The following PTPN2 variants were observed in gnomAD, a reference collection of about 807,000 sequenced individuals.
PTPN2 encodes tyrosine-protein phosphatase non-receptor type 2.
In PTPN2, 19 loss-of-function variants were observed where a neutral mutation model predicts 57.3. The ratio of observed to expected loss-of-function variants is 0.33; its 90% CI spans 0.23 to 0.49. The LOEUF (loss-of-function observed/expected upper bound fraction) is 0.49, where lower values mean the gene tolerates loss of function less well. PTPN2 is among the 20% of genes least tolerant of loss of function. The pLI is 0.99. For missense variants in PTPN2, 358 were observed against 501.1 expected (o/e 0.71, Z 2.73); for synonymous variants, 153 against 164.9 (o/e 0.93, Z 0.55).
chr18:12,838,516 A>G (rs539380228), intron 2 of PTPN2, among the ~76,000 whole-genome samples: 1 of 152,356 alleles, frequency 6.6e-6, no homozygotes, highest in East Asian at 1.9e-4. Context: ...CTATAAGCAC[A>G]GTAACCACAC....
chr18:12,824,796 G>C (rs2042390237), intron 5 of PTPN2, among the ~76,000 whole-genome samples: 1 of 152,134 alleles, frequency 6.6e-6, no homozygotes, highest in Non-Finnish European at 1.5e-5. Flanking sequence ...GAAGAAAAAT[G>C]CAAGTAAGGC....
At chr18:12,817,408 T>G in intron 5 of PTPN2, 43 bp from the exon 6 acceptor site, 1 of 1,498,496 alleles carries the variant, frequency 6.7e-7, no homozygotes, top group Non-Finnish European at 9.2e-7. Context: ...CTAACTTTTT[T>G]CTTTTAAAAA....
chr18:12,834,083 T>G (rs1268270607), intron 3 of PTPN2, among the ~76,000 whole-genome samples: 1 of 152,054 alleles, frequency 6.6e-6, no homozygotes, highest in Non-Finnish European at 1.5e-5. Context: ...TCCCAGCACT[T>G]TGGGAGGCCA....
intron 3 of PTPN2, among the ~76,000 whole-genome samples, chr18:12,835,127 C>T (rs1332074118): frequency 6.6e-6 from 1 of 152,018 alleles, no homozygotes; most frequent in Non-Finnish European, 1.5e-5. Context: ...CTGGATGGTT[C>T]AAGGGTCAAC....
chr18:12,830,099 G>T (rs2042615690), intron 4 of PTPN2, among the ~76,000 whole-genome samples: 1 of 126,370 alleles, frequency 7.9e-6, no homozygotes, highest in Non-Finnish European at 1.8e-5. Context: ...CATAATCCTT[G>T]ATTTTTTTTT....
At chr18:12,818,340 C>A (rs2042148961) in intron 5 of PTPN2, among the ~76,000 whole-genome samples, 1 of 152,110 alleles carries the variant, frequency 6.6e-6, no homozygotes, top group African/African-American at 2.4e-5. Flanking sequence ...TGGAATTGCT[C>A]CTCTAAATTG....
intron 1 of PTPN2, among the ~76,000 whole-genome samples, chr18:12,871,905 G>C (rs761871883): frequency 5.3e-5 from 8 of 152,120 alleles, no homozygotes; most frequent in Admixed American, 1.3e-4. Flanking sequence ...ACAATTAGCT[G>C]GGCGTGGTGG....
chr18:12,865,480 T>C (rs1423591300), intron 1 of PTPN2, among the ~76,000 whole-genome samples: 2 of 148,670 alleles, frequency 1.3e-5, no homozygotes, highest in Non-Finnish European at 3.0e-5. Flanking sequence ...CAGTGGCTCA[T>C]GCCTGTAATC....
rs188946143 is a variant in PTPN2, at chr18:12,847,352, A to G, written c.161-10461T>C. Among the ~76,000 whole-genome samples the G allele has an allele frequency of 4.0e-4, 61 of 152,338 alleles. No individual in the cohort carries two copies. The East Asian group carries it at 0.011, about 27-fold the overall frequency. On this transcript the variant is annotated intron_variant, in intron 2 of 8. Transcript: ENST00000309660. ...TGCTAACCTGATATTCACCAGTGCT[A>G]TTATTCGCTCATGAACCCTAGTTCT...
chr18:12,804,300 A>AAG lies in PTPN2; in HGVS notation c.859-2150_859-2149insCT, dbSNP rs536309184. The stretch of plus-strand genomic sequence containing the variant: ...GAGTGAAACTGTCTCAAAAAAAAAA[A>AAG]AAAAAAAAAGAAAAAGAAAGTTCTC... On this transcript the variant is annotated intron_variant, in intron 7 of 8. Coordinates refer to ENST00000309660, the MANE Select transcript of PTPN2 (RefSeq NM_002828.4). 8.8e-3 allele frequency among the ~76,000 whole-genome samples: 1,326 copies of AAG among 150,302 alleles called. 31 individuals are homozygous for AAG. The highest frequency in any genetic ancestry group is 0.031 in the African/African-American group (1,257 of 40,956).
intron 2 of PTPN2, among the ~76,000 whole-genome samples, chr18:12,841,513 G>A (rs145483136): frequency 1.0e-3 from 159 of 152,342 alleles, no homozygotes; most frequent in African/African-American, 3.7e-3. Context: ...AAGTAGTGGC[G>A]GTGGGAATGT....
intron 1 of PTPN2, among the ~76,000 whole-genome samples, chr18:12,865,392 G>A (rs552955854): frequency 1.9e-4 from 29 of 150,790 alleles, no homozygotes; most frequent in African/African-American, 6.6e-4. Flanking sequence ...CCGTGATCAC[G>A]CCACTGCATG....
At chr18:12,821,098 C>T (rs2042255163) in intron 5 of PTPN2, among the ~76,000 whole-genome samples, 1 of 152,130 alleles carries the variant, frequency 6.6e-6, no homozygotes, top group Non-Finnish European at 1.5e-5. Context: ...AGCTCTATGA[C>T]CCCAGGCCCA....
At chr18:12,827,991 A>C (rs2145362245) in intron 4 of PTPN2, among the ~76,000 whole-genome samples, 1 of 152,312 alleles carries the variant, frequency 6.6e-6, no homozygotes, top group Non-Finnish European at 1.5e-5. Flanking sequence ...ATTTTTGGTA[A>C]AACTAATAAT....
At chr18:12,795,460 A>AT (rs1379160740) in intron 8 of PTPN2, among the ~76,000 whole-genome samples, 3 of 151,910 alleles carry the variant, frequency 2.0e-5, no homozygotes, top group African/African-American at 7.3e-5. Context: ...CGCCTGGCTA[A>AT]TTTTTTTGTA....
chr18:12,870,789 G>A (rs1398282978), intron 1 of PTPN2, among the ~76,000 whole-genome samples: 1 of 151,876 alleles, frequency 6.6e-6, no homozygotes, highest in Non-Finnish European at 1.5e-5. Flanking sequence ...GATTACAGGA[G>A]TGAGCCACCG....
intron 5 of PTPN2, among the ~76,000 whole-genome samples, chr18:12,823,160 G>C (rs2042330147): frequency 6.6e-6 from 1 of 152,008 alleles, no homozygotes; most frequent in South Asian, 2.1e-4. Context: ...TTATAAAGTA[G>C]AACACAAACA....
At chr18:12,801,902 G>GGTC (rs2041442770) in intron 8 of PTPN2, 68 bp downstream of exon 8, 1 of 1,362,254 alleles carries the variant, frequency 7.3e-7, no homozygotes, top group African/African-American at 1.5e-5. Flanking sequence ...TATGGCACCT[G>GGTC]GTCCCATAAA....
chr18:12,834,456 C>T (rs949640689), intron 3 of PTPN2, among the ~76,000 whole-genome samples: 1 of 151,854 alleles, frequency 6.6e-6, no homozygotes, highest in Admixed American at 6.6e-5. Flanking sequence ...CATGTAAAAA[C>T]ACCATTACAA....
Sources: gnomAD v4.1 joint callset for allele counts (sites outside exome capture counted in the v4.1 genomes callset) on GRCh38, gnomAD v4.1.1 for gene constraint, MANE v1.5 for transcripts, NCBI Gene and HGNC (gene_info 2026-07-23, HGNC 2026-07-21) for gene names.